The following HMGCLL1 variants were observed in gnomAD, a reference collection of about 807,000 sequenced individuals.
The protein encoded by HMGCLL1 is 3-hydroxy-3-methylglutaryl-CoA lyase like 1.
Under a neutral mutation model 39.1 loss-of-function variants are expected in HMGCLL1, and 36 were observed. The observed-to-expected ratio is 0.92, with a 90% confidence interval of 0.71 to 1.22. The LOEUF (loss-of-function observed/expected upper bound fraction) is 1.22, where lower values mean the gene tolerates loss of function less well. Ranked by LOEUF, HMGCLL1 falls within the 50% of genes most tolerant of loss-of-function variation. The pLI is 0.00. For missense variants in HMGCLL1, 451 were observed against 416.5 expected, an observed-to-expected ratio of 1.08 and a Z score of -0.72; for synonymous variants, 149 against 144.0, an observed-to-expected ratio of 1.03 and a Z score of -0.25.
In HMGCLL1 at chr6:55,434,422, T is replaced by A. The variant is rs1546299; in HGVS notation, c.*1240A>T. On this transcript the variant is annotated 3_prime_UTR_variant, in exon 9 of 9. Transcript: ENST00000274901. ...TTCAATGGTTTTAATGAATATTTCC[T>A]AGAAAGTTCACAATACTCATTTTTA... The A allele has an allele frequency of 2.0e-5, 3 of 151,688 alleles. No individual in the cohort carries two copies. Among genetic ancestry groups the A allele is most frequent in the Admixed American group, 6.6e-5 (1 of 15,166 alleles). The allele number at this position is 151,688 out of a possible 1,614,324, so 9.4% of individuals were successfully genotyped here. A position where few individuals can be genotyped will look rare whatever the true frequency, so the allele number is the denominator to read the frequency against.
At chr6:55,449,634 CTT>C (rs1763995855) in intron 7 of HMGCLL1, among the ~76,000 whole-genome samples, 1 of 152,202 alleles carries the variant, frequency 6.6e-6, no homozygotes, top group Non-Finnish European at 1.5e-5. Context: ...TTGTTCCACA[CTT>C]TTAATTTTTT....
the HMGCLL1 span, among the ~76,000 whole-genome samples, chr6:55,634,076 C>CT: frequency 1.3e-4 from 19 of 148,024 alleles, no homozygotes; most frequent in African/African-American, 1.7e-4. Flanking sequence ...GGAAGGCAAA[C>CT]TTTTTTTTTT....
the HMGCLL1 span, among the ~76,000 whole-genome samples, chr6:55,593,313 A>G: frequency 6.6e-6 from 1 of 152,196 alleles, no homozygotes; most frequent in Non-Finnish European, 1.5e-5. Context: ...TAGTGTCAGT[A>G]GTTGAGAAGA....
intron 7 of HMGCLL1, among the ~76,000 whole-genome samples, chr6:55,442,217 T>C (rs1295161225): frequency 6.6e-6 from 1 of 152,164 alleles, no homozygotes; most frequent in African/African-American, 2.4e-5. Flanking sequence ...TTTGGAAAAA[T>C]GTCACTATGC....
Position 55,435,381 on chromosome 6 carries a change from C to G in HMGCLL1, c.*281G>C, listed in dbSNP as rs1201861750. 3.9e-6 allele frequency: 1 copy of G among 253,674 alleles called. No homozygotes were observed. The highest frequency in any genetic ancestry group is 2.3e-5 in the African/African-American group (1 of 44,320). 15.7% of individuals were successfully genotyped at this position (253,674 alleles called of 1,614,324 possible). ...AATACGAAGTCAATTTTCCCATCTA[C>G]TAAATTAAAAAGTTATTTCTATGAG... On this transcript the variant is annotated 3_prime_UTR_variant, in exon 9 of 9. Coordinates refer to ENST00000274901, the MANE Select transcript of HMGCLL1 (RefSeq NM_001042406.2).
the HMGCLL1 span, among the ~76,000 whole-genome samples, chr6:55,617,860 C>T: frequency 6.6e-6 from 1 of 151,898 alleles, no homozygotes; most frequent in Non-Finnish European, 1.5e-5. Context: ...CATAATTGTT[C>T]AATGTGTGAA....
the HMGCLL1 span, among the ~76,000 whole-genome samples, chr6:55,655,536 G>GTAGATAGATAGATAGATAGATAGA: frequency 4.5e-4 from 67 of 147,734 alleles, 1 homozygote; most frequent in Middle Eastern, 3.4e-3. Context: ...AGTTATATTG[G>GTAGATAGATAGATAGATAGATAGA]TAGATAGATA....
chr6:55,650,824 A>C, the HMGCLL1 span, among the ~76,000 whole-genome samples: 2 of 151,902 alleles, frequency 1.3e-5, no homozygotes, highest in South Asian at 2.1e-4. Context: ...TTCCACCACA[A>C]TCTGTCCACA....
chr6:55,455,870 T>C (rs551834632), intron 7 of HMGCLL1, among the ~76,000 whole-genome samples: 62 of 152,332 alleles, frequency 4.1e-4, no homozygotes, highest in African/African-American at 1.4e-3. Context: ...TCCAATCCTA[T>C]GGCTTTCTAT....
At chr6:55,476,353 ATAATGAATATT>A (rs1765285269) in intron 7 of HMGCLL1, among the ~76,000 whole-genome samples, 1 of 151,698 alleles carries the variant, frequency 6.6e-6, no homozygotes, top group Admixed American at 6.6e-5. Flanking sequence ...ATTTCATTTC[ATAATGAATATT>A]TGTTACTAGT....
chr6:55,618,686 C>T, the HMGCLL1 span, among the ~76,000 whole-genome samples: 495 of 152,076 alleles, frequency 3.3e-3, 5 homozygotes, highest in Middle Eastern at 0.01. Flanking sequence ...AGTCTATATG[C>T]AAAGTATCTG....
intron 3 of HMGCLL1, among the ~76,000 whole-genome samples, chr6:55,516,812 A>T (rs1206761912): frequency 1.3e-5 from 2 of 152,086 alleles, no homozygotes; most frequent in Non-Finnish European, 2.9e-5. Context: ...TGTTTTACAG[A>T]ATGGGATCTT....
the HMGCLL1 span, among the ~76,000 whole-genome samples, chr6:55,623,179 T>C: frequency 1.3e-5 from 2 of 152,026 alleles, no homozygotes; most frequent in African/African-American, 4.8e-5. Context: ...GTCAGTTTTC[T>C]TTATCTTTTC....
chr6:55,659,480 G>A, the HMGCLL1 span, among the ~76,000 whole-genome samples: 1 of 151,840 alleles, frequency 6.6e-6, no homozygotes, highest in African/African-American at 2.4e-5. Context: ...CAAAATAAAT[G>A]TCAAAAGAAA....
the HMGCLL1 span, among the ~76,000 whole-genome samples, chr6:55,594,933 A>G: frequency 1.3e-5 from 2 of 152,146 alleles, no homozygotes; most frequent in Admixed American, 1.3e-4. Context: ...CACTCTGGAT[A>G]TTGTGTTTCT....
At chr6:55,626,169 C>G in the HMGCLL1 span, among the ~76,000 whole-genome samples, 3 of 152,228 alleles carry the variant, frequency 2.0e-5, no homozygotes, top group South Asian at 2.1e-4. Flanking sequence ...TATATTGGAC[C>G]TCTTCCATCA....
chr6:55,534,638 C>A (rs1193834682), intron 3 of HMGCLL1, among the ~76,000 whole-genome samples: 2 of 152,144 alleles, frequency 1.3e-5, no homozygotes, highest in Admixed American at 1.3e-4. Flanking sequence ...AAGCCCCCTG[C>A]CCCTGCTGTT....
the HMGCLL1 span, among the ~76,000 whole-genome samples, chr6:55,628,680 C>A: frequency 6.6e-6 from 1 of 152,002 alleles, no homozygotes; most frequent in Non-Finnish European, 1.5e-5. Context: ...ACCCAAATCT[C>A]ATCTTGAATT....
the HMGCLL1 span, among the ~76,000 whole-genome samples, chr6:55,588,945 A>T: frequency 0.016 from 2,363 of 152,294 alleles, 59 homozygotes; most frequent in African/African-American, 0.054. Context: ...GTCCAGGACC[A>T]GATGGATTCA....
Sources: allele counts gnomAD v4.1 joint callset (sites outside exome capture counted in the v4.1 genomes callset), GRCh38; gene constraint gnomAD v4.1.1; transcripts MANE v1.5; gene names NCBI Gene and HGNC (gene_info 2026-07-23, HGNC 2026-07-21).